The following PDE4B variants were observed in gnomAD, a reference collection of about 807,000 sequenced individuals.
PDE4B encodes phosphodiesterase 4B, also known as 3',5'-cyclic-AMP phosphodiesterase 4B.
Under a neutral mutation model 82.2 loss-of-function variants are expected in PDE4B, and 20 were observed. That is an observed-to-expected ratio of 0.24 (90% confidence interval 0.17 to 0.35). PDE4B has a LOEUF of 0.35. Among genes scored for constraint, PDE4B ranks in the 10% least tolerant of loss-of-function variants. The pLI is 1.00. For missense variants in PDE4B, 655 were observed against 907.2 expected, an observed-to-expected ratio of 0.72 and a Z score of 3.57; for synonymous variants, 320 against 318.9, an observed-to-expected ratio of 1.00 and a Z score of -0.04.
chr1:66,255,731 C>T (rs2101697994), intron 4 of PDE4B, among the ~76,000 whole-genome samples: 1 of 152,304 alleles, frequency 6.6e-6, no homozygotes, highest in East Asian at 1.9e-4. Flanking sequence ...GAAGTATACC[C>T]ATTGTTTTTA....
intron 7 of PDE4B, among the ~76,000 whole-genome samples, chr1:66,321,872 C>T (rs1659428795): frequency 6.7e-6 from 1 of 150,352 alleles, no homozygotes; most frequent in South Asian, 2.1e-4. Flanking sequence ...CAAGACAATC[C>T]TAAGCCAAAA....
intron 3 of PDE4B, among the ~76,000 whole-genome samples, chr1:66,246,264 G>T (rs1310799344): frequency 6.6e-6 from 1 of 152,322 alleles, no homozygotes; most frequent in African/African-American, 2.4e-5. Flanking sequence ...ATGGAATAAT[G>T]TATTGGGAAG....
chr1:66,183,312 C>T (rs1647110177), intron 3 of PDE4B, among the ~76,000 whole-genome samples: 1 of 152,098 alleles, frequency 6.6e-6, no homozygotes, highest in South Asian at 2.1e-4. Context: ...AAACTCTAAT[C>T]CTCCAAATAA....
At chr1:66,273,025 T>A (rs1655623519) in intron 7 of PDE4B, among the ~76,000 whole-genome samples, 3 of 151,920 alleles carry the variant, frequency 2.0e-5, no homozygotes, top group African/African-American at 7.3e-5. Context: ...CTCTTGACCT[T>A]GTGATCCGCC....
chr1:65,924,678 T>C (rs1647405166), intron 3 of PDE4B, among the ~76,000 whole-genome samples: 2 of 152,204 alleles, frequency 1.3e-5, no homozygotes. Flanking sequence ...TGGCCAGTAC[T>C]GTAGTCATGC....
At chr1:65,992,676 G>A (rs2100681505) in intron 3 of PDE4B, 1 of 1,255,018 alleles carries the variant, frequency 8.0e-7, no homozygotes. Context: ...GAAGCACTTT[G>A]GCGCATTTTC....
chr1:66,259,119 T>C (rs1007578030), intron 6 of PDE4B, among the ~76,000 whole-genome samples: 3 of 152,230 alleles, frequency 2.0e-5, no homozygotes, highest in African/African-American at 7.2e-5. Context: ...CTCAGCCTCT[T>C]TTGGGTAGAA....
chr1:66,292,282 T>C (rs1249698313), intron 7 of PDE4B, among the ~76,000 whole-genome samples: 1 of 152,198 alleles, frequency 6.6e-6, no homozygotes, highest in Non-Finnish European at 1.5e-5. Flanking sequence ...GTTTTATATA[T>C]CTATTTCATA....
intron 7 of PDE4B, among the ~76,000 whole-genome samples, chr1:66,273,553 C>A (rs191986585): frequency 1.3e-5 from 2 of 152,360 alleles, no homozygotes; most frequent in African/African-American, 2.4e-5. Flanking sequence ...ATACCTTCTG[C>A]AACTCACCCA....
intron 3 of PDE4B, among the ~76,000 whole-genome samples, chr1:66,117,256 GA>G (rs144776315): frequency 6.6e-6 from 1 of 150,482 alleles, no homozygotes; most frequent in South Asian, 2.1e-4. Context: ...CTAGTTGCCA[GA>G]AAAAAAAAGT....
chr1:66,176,041 A>G (rs1359347901), intron 3 of PDE4B, among the ~76,000 whole-genome samples: 1 of 152,248 alleles, frequency 6.6e-6, no homozygotes, highest in Non-Finnish European at 1.5e-5. Context: ...GGTTAAAGGC[A>G]GATGGCTCAG....
intron 3 of PDE4B, among the ~76,000 whole-genome samples, chr1:65,952,298 T>A (rs1649041345): frequency 1.3e-5 from 2 of 152,102 alleles, no homozygotes; most frequent in Admixed American, 1.3e-4. Flanking sequence ...AAATTAACCC[T>A]TAATTGTTGT....
chr1:66,225,620 C>G (rs1651389843), intron 3 of PDE4B, among the ~76,000 whole-genome samples: 1 of 152,216 alleles, frequency 6.6e-6, no homozygotes, highest in South Asian at 2.1e-4. Context: ...CAGAATTCAA[C>G]TAGATTTGGG....
chr1:66,167,210 GA>G (rs36072621), intron 3 of PDE4B, among the ~76,000 whole-genome samples: 42,067 of 151,984 alleles, frequency 0.28, 6,862 homozygotes, highest in Middle Eastern at 0.43. Context: ...TTATATACCA[GA>G]AAAATGATCA....
intron 3 of PDE4B, among the ~76,000 whole-genome samples, chr1:66,100,607 G>GC (rs1364295729): frequency 6.6e-6 from 1 of 152,108 alleles, no homozygotes; most frequent in Non-Finnish European, 1.5e-5. Flanking sequence ...CTGGTAGCCA[G>GC]CTGTGTTTGA....
At chr1:65,885,694 C>T (rs1312636099) in intron 1 of PDE4B, among the ~76,000 whole-genome samples, 1 of 151,724 alleles carries the variant, frequency 6.6e-6, no homozygotes, top group East Asian at 1.9e-4. Flanking sequence ...GGGAACATCA[C>T]ACACTGGGGC....
intron 3 of PDE4B, among the ~76,000 whole-genome samples, chr1:66,238,208 A>G (rs1190822904): frequency 1.3e-5 from 2 of 152,212 alleles, no homozygotes; most frequent in African/African-American, 4.8e-5. Context: ...TTCAAAGCAA[A>G]GCAGATATAC....
intron 3 of PDE4B, among the ~76,000 whole-genome samples, chr1:66,118,158 GTT>G (rs924567904): frequency 7.9e-5 from 12 of 152,102 alleles, no homozygotes; most frequent in African/African-American, 2.7e-4. Flanking sequence ...TGATGGGGTT[GTT>G]TGTTTTTTTC....
At chr1:66,336,819 C>A (rs1338577255) in intron 8 of PDE4B, among the ~76,000 whole-genome samples, 2 of 152,154 alleles carry the variant, frequency 1.3e-5, no homozygotes, top group African/African-American at 4.8e-5. Flanking sequence ...TTTTCCAGTT[C>A]TTCAGGTGCA....
Sources: gnomAD v4.1 joint callset for allele counts (sites outside exome capture counted in the v4.1 genomes callset) on GRCh38, gnomAD v4.1.1 for gene constraint, MANE v1.5 for transcripts, NCBI Gene and HGNC (gene_info 2026-07-23, HGNC 2026-07-21) for gene names.